The following SETBP1 variants were observed in gnomAD, a reference collection of about 807,000 sequenced individuals.
The protein encoded by SETBP1 is SET binding protein 1.
SETBP1 carries 9 observed loss-of-function variants against 101.0 expected under a neutral mutation model. The ratio of observed to expected loss-of-function variants is 0.09; its 90% CI spans 0.05 to 0.16. SETBP1 has a LOEUF of 0.16. SETBP1 is among the 10% of genes least tolerant of loss of function. The pLI, the probability that SETBP1 is intolerant of heterozygous loss-of-function variation, is 1.00. For missense variants in SETBP1, 1,858 were observed against 2,033.8 expected, an observed-to-expected ratio of 0.91 and a Z score of 1.66; for synonymous variants, 818 against 788.5, an observed-to-expected ratio of 1.04 and a Z score of -0.63.
intron 2 of SETBP1, among the ~76,000 whole-genome samples, chr18:44,734,139 A>C (rs564466616): frequency 6.6e-6 from 1 of 152,346 alleles, no homozygotes; most frequent in South Asian, 2.1e-4. Flanking sequence ...CATTTCTAAA[A>C]GGAAATAACA....
chr18:44,916,209 G>A (rs2070422887), intron 3 of SETBP1, among the ~76,000 whole-genome samples: 1 of 152,198 alleles, frequency 6.6e-6, no homozygotes, highest in Non-Finnish European at 1.5e-5. Context: ...CTGGGTGACA[G>A]AGCAAGACTC....
Position 44,950,975 on chromosome 18 carries a change from G to T in SETBP1, c.1635G>T (p.Glu545Asp), listed in dbSNP as rs1434442113. Reference protein sequence around the residue: ...SKPKPSTMLREAVMATSDKLM... With the variant: ...SKPKPSTMLRDAVMATSDKLM... ...CAAAACCTAGCACCATGCTTCGAGA[G>T]GCAGTTATGGCCACCTCTGATAAAC... The change falls in exon 4 of 6, where the codon GAG becomes GAT. Residue 545 changes from glutamate (E) to aspartate (D), a missense_variant. Glu to Asp is a conservative substitution (Grantham distance 45). Around this residue, in one of 12 missense-constraint regions of SETBP1, gnomAD observed 581 missense variants for 535.1 expected, o/e 1.09. Transcript: ENST00000649279. The T allele has an allele frequency of 1.2e-6, 2 of 1,614,110 alleles. No individual in the cohort carries two copies. Among genetic ancestry groups the T allele is most frequent in the South Asian group, 1.1e-5 (1 of 91,084 alleles).
intron 2 of SETBP1, among the ~76,000 whole-genome samples, chr18:44,774,429 G>C (rs1335601436): frequency 1.3e-5 from 2 of 151,932 alleles, no homozygotes; most frequent in Non-Finnish European, 2.9e-5. Flanking sequence ...AGGAGGCTTA[G>C]ATATATGCAT....
chr18:44,820,637 T>C (rs1455681757), intron 2 of SETBP1, among the ~76,000 whole-genome samples: 3 of 152,180 alleles, frequency 2.0e-5, no homozygotes, highest in Non-Finnish European at 4.4e-5. Context: ...CACTTCGTCA[T>C]CCACACAATT....
At chr18:44,818,934 C>G (rs2072043596) in intron 2 of SETBP1, among the ~76,000 whole-genome samples, 1 of 151,228 alleles carries the variant, frequency 6.6e-6, no homozygotes, top group Non-Finnish European at 1.5e-5. Context: ...CCCATGTTTT[C>G]TTGGTGATTC....
chr18:44,951,431 G>A lies in SETBP1; in HGVS notation c.2091G>A (p.Glu697=), dbSNP rs2071347808. 2 of 1,614,112 alleles carry A rather than the reference G, an allele frequency of 1.2e-6. No individual in the cohort carries two copies. The highest frequency in any genetic ancestry group is 2.2e-5 in the East Asian group (1 of 44,860). Residue 697 remains glutamate, a synonymous_variant, in exon 4 of 6, where the codon GAG becomes GAA. Coordinates refer to ENST00000649279, the MANE Select transcript of SETBP1 (RefSeq NM_015559.3). The surrounding 1 kb of genome is among the most constrained non-coding windows in gnomAD (Gnocchi z 7.8). ...CTCTGAAGGCAAAAGCTCCCCCAGA[G>A]ACCAGCCCTGGGGCAGCAGCCATTG... The part of the protein sequence containing the change: ...SVALKAKAPP[E]TSPGAAAIES...
intron 2 of SETBP1, among the ~76,000 whole-genome samples, chr18:44,796,532 G>A (rs190184647): frequency 6.6e-6 from 1 of 152,318 alleles, no homozygotes; most frequent in African/African-American, 2.4e-5. Flanking sequence ...TTTGTTAAAA[G>A]CTCTTTATGT....
chr18:44,857,420 T>A (rs764069598), intron 2 of SETBP1, among the ~76,000 whole-genome samples: 9 of 152,238 alleles, frequency 5.9e-5, no homozygotes, highest in Admixed American at 5.2e-4. Context: ...GAAAGGATTG[T>A]ACAGAGTTCT....
At position 44,701,223 on chromosome 18, in the gene SETBP1, G is replaced by A; in HGVS notation, c.-124G>A. The A allele has an allele frequency of 2.8e-6, 3 of 1,074,412 alleles. No homozygotes were observed. The highest frequency in any genetic ancestry group is 3.7e-5 in the South Asian group (2 of 54,384). 66.6% of individuals were successfully genotyped at this position (1,074,412 alleles called of 1,614,324 possible). A position where few individuals can be genotyped will look rare whatever the true frequency, so the allele number is the denominator to read the frequency against. ...CACCTCATCGTGTCTCCATCCCTGGGAATCTGACCCTAGCAACTGGACCAC... is the reference window on the plus strand; with the variant it reads ...CACCTCATCGTGTCTCCATCCCTGGAAATCTGACCCTAGCAACTGGACCAC... On this transcript the variant is annotated 5_prime_UTR_variant, in exon 2 of 6. Coordinates refer to ENST00000649279, the MANE Select transcript of SETBP1 (RefSeq NM_015559.3).
intron 1 of SETBP1, among the ~76,000 whole-genome samples, chr18:44,694,192 A>C (rs1399989826): frequency 6.6e-6 from 1 of 152,132 alleles, no homozygotes; most frequent in Non-Finnish European, 1.5e-5. Flanking sequence ...AAAAGCACTG[A>C]CTTGTAAAGT....
intron 2 of SETBP1, among the ~76,000 whole-genome samples, chr18:44,727,401 T>C (rs1183854563): frequency 6.6e-6 from 1 of 152,182 alleles, no homozygotes; most frequent in East Asian, 1.9e-4. Flanking sequence ...CTTCCTGTGG[T>C]TCACAAAGAC....
chr18:44,904,827 A>T (rs1372063447), intron 3 of SETBP1, among the ~76,000 whole-genome samples: 1 of 152,172 alleles, frequency 6.6e-6, no homozygotes, highest in Non-Finnish European at 1.5e-5. Flanking sequence ...AAATAGGAAA[A>T]TGGGAGCATG....
At chr18:44,949,066 A>G (rs533469397) in intron 3 of SETBP1, among the ~76,000 whole-genome samples, 1 of 152,220 alleles carries the variant, frequency 6.6e-6, no homozygotes, top group African/African-American at 2.4e-5. Flanking sequence ...AGAAAGCAAT[A>G]AGTACGTAAT....
At position 44,950,882 on chromosome 18, in the gene SETBP1, A is replaced by G. The variant is rs751346015; in HGVS notation, c.1542A>G (p.Pro514=). 3 of 1,614,190 alleles carry G rather than the reference A, an allele frequency of 1.9e-6. No individual in the cohort carries two copies. Among genetic ancestry groups the G allele is most frequent in the Admixed American group, 3.3e-5 (2 of 60,028 alleles). The stretch of plus-strand genomic sequence containing the variant: ...CTCCAACGTGCACAGATCACTCTCC[A>G]TCCAGAAAGCTGCCAGAAATCCAGC... ...MTPPTCTDHS[P]SRKLPEIQHP... The change falls in exon 4 of 6, where the codon CCA becomes CCG. Residue 514 remains proline (P), a synonymous_variant. Transcript: ENST00000649279.
intron 2 of SETBP1, among the ~76,000 whole-genome samples, chr18:44,850,182 G>A (rs1001127114): frequency 6.6e-6 from 1 of 152,082 alleles, no homozygotes; most frequent in African/African-American, 2.4e-5. Context: ...GACATACCAT[G>A]GAATTTGCAT....
At chr18:44,851,783 A>C (rs142413127) in intron 2 of SETBP1, among the ~76,000 whole-genome samples, 1 of 152,018 alleles carries the variant, frequency 6.6e-6, no homozygotes, top group Non-Finnish European at 1.5e-5. Flanking sequence ...CATCTGCCCC[A>C]TTCTCTAGGT....
intron 2 of SETBP1, among the ~76,000 whole-genome samples, chr18:44,742,398 C>CT (rs1332168495): frequency 2.0e-5 from 3 of 152,182 alleles, no homozygotes; most frequent in Non-Finnish European, 4.4e-5. Context: ...TAGTTAGCAC[C>CT]TTTTTTGTCT....
chr18:45,019,681 AT>A (rs554150796), intron 4 of SETBP1, among the ~76,000 whole-genome samples: 5 of 150,994 alleles, frequency 3.3e-5, no homozygotes, highest in African/African-American at 7.3e-5. Context: ...CAGAATTGGT[AT>A]TTTTTTTTCA....
chr18:44,709,777 G>A (rs1899815497), intron 2 of SETBP1, among the ~76,000 whole-genome samples: 1 of 151,696 alleles, frequency 6.6e-6, no homozygotes, highest in African/African-American at 2.4e-5. Flanking sequence ...TCTGATGCCT[G>A]GAGAAACTTC....
Sources: allele counts gnomAD v4.1 joint callset (sites outside exome capture counted in the v4.1 genomes callset), GRCh38; gene constraint gnomAD v4.1.1; regional missense constraint gnomAD v4.1.1; non-coding constraint Gnocchi (gnomAD v3.1); transcripts MANE v1.5; gene names NCBI Gene and HGNC (gene_info 2026-07-23, HGNC 2026-07-21).